Variants in RARB observed in about 807,000 individuals in gnomAD.
The protein encoded by RARB is HBV-activated protein.
A neutral mutation model predicts 51.9 loss-of-function variants in RARB; 17 were observed. That is an observed-to-expected ratio of 0.33 (90% CI 0.22 to 0.49). RARB has a LOEUF of 0.49. RARB is among the 20% of genes least tolerant of loss of function. The probability of loss-of-function intolerance (pLI) is 0.99; values close to 1 mark genes in which losing one functional copy is unlikely to be tolerated. For synonymous variants in RARB, 215 were observed against 195.4 expected, an observed-to-expected ratio of 1.10 and a Z score of -0.84; for missense variants, 369 against 550.8, an observed-to-expected ratio of 0.67 and a Z score of 3.30.
intron 4 of RARB, among the ~76,000 whole-genome samples, chr3:25,577,960 ACT>A (rs1457608925): frequency 1.3e-5 from 2 of 152,060 alleles, no homozygotes; most frequent in Non-Finnish European, 2.9e-5. Flanking sequence ...CCCTGGCCAG[ACT>A]CTCAGTCGGC....
At chr3:25,353,669 C>G (rs1487877243) in intron 5 of RARB, among the ~76,000 whole-genome samples, 1 of 151,336 alleles carries the variant, frequency 6.6e-6, no homozygotes, top group Non-Finnish European at 1.5e-5. Context: ...TCTGATAACT[C>G]TTAACGTTGT....
intron 5 of RARB, among the ~76,000 whole-genome samples, chr3:25,291,438 T>C (rs1441647720): frequency 6.6e-6 from 1 of 151,788 alleles, no homozygotes; most frequent in African/African-American, 2.4e-5. Flanking sequence ...AGTCATAATT[T>C]AAGAGATATG....
chr3:24,966,747 A>C (rs1250514347), intron 2 of RARB, among the ~76,000 whole-genome samples: 1 of 152,202 alleles, frequency 6.6e-6, no homozygotes, highest in Non-Finnish European at 1.5e-5. Flanking sequence ...AAGAACAGCA[A>C]CAACAAGATT....
At chr3:25,582,763 C>T (rs111418231) in intron 5 of RARB, among the ~76,000 whole-genome samples, 81 of 152,138 alleles carry the variant, frequency 5.3e-4, no homozygotes, top group African/African-American at 1.8e-3. Context: ...GCCATTAGCC[C>T]CTTGGTAGAG....
chr3:25,067,061 T>C (rs1698677983), intron 3 of RARB, among the ~76,000 whole-genome samples: 1 of 152,128 alleles, frequency 6.6e-6, no homozygotes, highest in Non-Finnish European at 1.5e-5. Context: ...GAGAAATGCA[T>C]AGATCCTAAC....
intron 2 of RARB, among the ~76,000 whole-genome samples, chr3:25,007,605 C>CAAAAAAAAAAAAAA (rs1279154112): frequency 2.3e-4 from 14 of 60,644 alleles, no homozygotes; most frequent in African/African-American, 5.2e-4. Flanking sequence ...AAAAAAAAAA[C>CAAAAAAAAAAAAAA]AAAAAAACCT....
intron 2 of RARB, among the ~76,000 whole-genome samples, chr3:25,013,032 A>G (rs1028755441): frequency 1.3e-5 from 2 of 152,108 alleles, no homozygotes; most frequent in African/African-American, 4.8e-5. Flanking sequence ...ATGCACATGT[A>G]AGGAATCTCA....
intron 2 of RARB, among the ~76,000 whole-genome samples, chr3:24,928,663 G>A (rs1695369441): frequency 6.6e-6 from 1 of 151,908 alleles, no homozygotes; most frequent in Non-Finnish European, 1.5e-5. Flanking sequence ...GCTTTTCAAG[G>A]TCTTTTACAG....
chr3:25,010,798 C>T (rs1307362488), intron 2 of RARB, among the ~76,000 whole-genome samples: 3 of 152,080 alleles, frequency 2.0e-5, no homozygotes, highest in Admixed American at 2.0e-4. Context: ...CTTCTTTGGT[C>T]AGAATTAACC....
chr3:24,867,471 T>G (rs1168484450), intron 2 of RARB, among the ~76,000 whole-genome samples: 3 of 152,096 alleles, frequency 2.0e-5, no homozygotes, highest in Non-Finnish European at 4.4e-5. Context: ...GGAAAACAAG[T>G]CAGGCCAGCT....
chr3:25,424,383 A>G (rs1707933831), upstream of RARB, among the ~76,000 whole-genome samples: 2 of 152,134 alleles, frequency 1.3e-5, no homozygotes. Context: ...CCCTTCCAAC[A>G]CAAAAGCAGC....
chr3:25,297,339 C>T (rs1202113701), intron 5 of RARB, among the ~76,000 whole-genome samples: 1 of 150,844 alleles, frequency 6.6e-6, no homozygotes, highest in Non-Finnish European at 1.5e-5. Flanking sequence ...GTTCACTTAG[C>T]CCTACAACCT....
intron 2 of RARB, among the ~76,000 whole-genome samples, chr3:24,942,843 A>G (rs1378896735): frequency 1.3e-5 from 2 of 152,294 alleles, no homozygotes; most frequent in East Asian, 3.9e-4. Flanking sequence ...AATTCATAAG[A>G]TTTCACAAAA....
chr3:24,958,717 G>C (rs1399524368), intron 2 of RARB, among the ~76,000 whole-genome samples: 1 of 152,186 alleles, frequency 6.6e-6, no homozygotes, highest in Non-Finnish European at 1.5e-5. Context: ...TAAAATTTTA[G>C]ATTTGTTAAT....
intron 5 of RARB, among the ~76,000 whole-genome samples, chr3:25,358,653 A>G (rs1210145000): frequency 1.3e-5 from 2 of 152,252 alleles, no homozygotes; most frequent in South Asian, 2.1e-4. Flanking sequence ...GATATGTTCC[A>G]TCAATACCTA....
intron 2 of RARB, among the ~76,000 whole-genome samples, chr3:24,981,255 C>A (rs1278923582): frequency 6.6e-6 from 1 of 152,202 alleles, no homozygotes; most frequent in Non-Finnish European, 1.5e-5. Flanking sequence ...CAGTCTGTCT[C>A]TTCATGGATC....
At chr3:25,077,952 A>G (rs1002125328) in intron 3 of RARB, among the ~76,000 whole-genome samples, 1 of 151,952 alleles carries the variant, frequency 6.6e-6, no homozygotes, top group Non-Finnish European at 1.5e-5. Context: ...GAAGCTGACC[A>G]TTTTTTCCCA....
At chr3:24,990,676 T>C (rs1696889786) in intron 2 of RARB, among the ~76,000 whole-genome samples, 1 of 46,716 alleles carries the variant, frequency 2.1e-5, no homozygotes, top group Non-Finnish European at 4.1e-5. Context: ...GTGTTTCTTT[T>C]AGTGTTTTTT....
chr3:24,974,626 G>A (rs1353169669), intron 2 of RARB, among the ~76,000 whole-genome samples: 1 of 151,974 alleles, frequency 6.6e-6, no homozygotes, highest in African/African-American at 2.4e-5. Flanking sequence ...GCTGTCTGTG[G>A]ATTCATTAGG....
Sources: allele counts gnomAD v4.1 joint callset (sites outside exome capture counted in the v4.1 genomes callset), GRCh38; gene constraint gnomAD v4.1.1; transcripts MANE v1.5; gene names NCBI Gene and HGNC (gene_info 2026-07-23, HGNC 2026-07-21).